The following MRPS28 variants were observed in gnomAD, a reference collection of about 807,000 sequenced individuals.
MRPS28 encodes the protein mitochondrial ribosomal protein S28, also known as small ribosomal subunit protein bS1m.
MRPS28 carries 7 observed loss-of-function variants against 10.8 expected under a neutral mutation model. The ratio of observed to expected loss-of-function variants is 0.65; its 90% CI spans 0.37 to 1.22. The LOEUF is 1.22. MRPS28 is among the 50% of genes most tolerant of loss of function. The pLI, the probability that MRPS28 is intolerant of heterozygous loss-of-function variation, is 0.02. For synonymous variants in MRPS28, 121 were observed against 93.3 expected (o/e 1.30, Z -1.71); for missense variants, 265 against 232.9 (o/e 1.14, Z -0.90).
intron 2 of MRPS28, among the ~76,000 whole-genome samples, chr8:79,924,705 A>G (rs545900162): frequency 6.6e-6 from 1 of 152,354 alleles, no homozygotes; most frequent in South Asian, 2.1e-4. Context: ...AATCTTGAAC[A>G]TTCAATTAAC....
At chr8:79,974,862 CAT>C (rs1400660242) in intron 2 of MRPS28, among the ~76,000 whole-genome samples, 1 of 152,060 alleles carries the variant, frequency 6.6e-6, no homozygotes, top group African/African-American at 2.4e-5. Flanking sequence ...AAGTTTGTCT[CAT>C]AGTCAACAAA....
intron 2 of MRPS28, among the ~76,000 whole-genome samples, chr8:79,979,079 T>C (rs1436128722): frequency 3.3e-5 from 5 of 152,146 alleles, no homozygotes; most frequent in Non-Finnish European, 5.9e-5. Flanking sequence ...AAAAGGTAAA[T>C]AAAATTTTTT....
chr8:79,950,273 T>C (rs561663212), intron 2 of MRPS28, among the ~76,000 whole-genome samples: 2 of 152,306 alleles, frequency 1.3e-5, no homozygotes, highest in South Asian at 4.1e-4. Context: ...GCATAAACAG[T>C]AACCAAGTCT....
intron 2 of MRPS28, among the ~76,000 whole-genome samples, chr8:79,990,678 A>G (rs2130119376): frequency 6.6e-6 from 1 of 152,274 alleles, no homozygotes. Context: ...GAATGGAAAC[A>G]AAGACAATGA....
intron 1 of MRPS28, among the ~76,000 whole-genome samples, chr8:80,008,007 A>G (rs1357794875): frequency 6.6e-6 from 1 of 152,234 alleles, no homozygotes; most frequent in Non-Finnish European, 1.5e-5. Context: ...GCATCAAGCT[A>G]CCTGACTTCA....
intron 2 of MRPS28, among the ~76,000 whole-genome samples, chr8:79,973,609 C>T (rs571850116): frequency 2.0e-4 from 30 of 152,244 alleles, no homozygotes; most frequent in African/African-American, 5.5e-4. Flanking sequence ...TGCAACACCA[C>T]GCCCAGCTAG....
intron 2 of MRPS28, among the ~76,000 whole-genome samples, chr8:79,988,270 C>G (rs966816033): frequency 2.0e-5 from 2 of 101,394 alleles, no homozygotes; most frequent in African/African-American, 8.1e-5. Context: ...TGGGGACTAT[C>G]GTGGGGTGGG....
intron 1 of MRPS28, among the ~76,000 whole-genome samples, chr8:80,005,278 A>G (rs1286432419): frequency 6.6e-6 from 1 of 152,256 alleles, no homozygotes; most frequent in Non-Finnish European, 1.5e-5. Flanking sequence ...TCAGACTAAC[A>G]GCGGATCTCT....
chr8:79,932,903 C>T (rs1257832389), intron 2 of MRPS28, among the ~76,000 whole-genome samples: 3 of 152,152 alleles, frequency 2.0e-5, no homozygotes, highest in African/African-American at 7.2e-5. Flanking sequence ...ACAAACAGTT[C>T]ATTCAGGAAC....
At chr8:80,029,698 T>G in intron 1 of MRPS28, 1 of 1,377,296 alleles carries the variant, frequency 7.3e-7, no homozygotes, top group Non-Finnish European at 9.6e-7. Flanking sequence ...GTGAGTCCCA[T>G]TCTCCTTAGC....
intron 2 of MRPS28, among the ~76,000 whole-genome samples, chr8:79,985,742 T>C (rs558213846): frequency 6.6e-6 from 1 of 152,224 alleles, no homozygotes; most frequent in Non-Finnish European, 1.5e-5. Context: ...GTTGACTCTC[T>C]GAATAGACCA....
At chr8:79,959,508 T>C (rs546898368) in intron 2 of MRPS28, among the ~76,000 whole-genome samples, 2 of 152,208 alleles carry the variant, frequency 1.3e-5, no homozygotes, top group Admixed American at 6.5e-5. Context: ...TTCTGAAAGA[T>C]TGAACGGTAC....
intron 2 of MRPS28, among the ~76,000 whole-genome samples, chr8:79,922,937 A>G (rs1299149614): frequency 2.0e-5 from 3 of 152,142 alleles, no homozygotes; most frequent in Non-Finnish European, 2.9e-5. Flanking sequence ...GGTAGACTAC[A>G]TATGATTAGT....
intron 1 of MRPS28, among the ~76,000 whole-genome samples, chr8:80,017,082 T>A (rs1013489704): frequency 6.6e-6 from 1 of 152,190 alleles, no homozygotes. Context: ...TTTAAAGGAA[T>A]AGAAATCATG....
intron 2 of MRPS28, among the ~76,000 whole-genome samples, chr8:79,997,756 C>G (rs1808540407): frequency 1.3e-5 from 2 of 151,968 alleles, no homozygotes. Flanking sequence ...TAAACACATT[C>G]TGAAATGAGT....
chr8:79,947,708 T>C (rs1268980251), intron 2 of MRPS28, among the ~76,000 whole-genome samples: 3 of 146,336 alleles, frequency 2.1e-5, no homozygotes, highest in Non-Finnish European at 4.5e-5. Flanking sequence ...GATCTCAGGT[T>C]ACTGCAAGCT....
intron 2 of MRPS28, among the ~76,000 whole-genome samples, chr8:79,935,353 T>TTTC (rs951076034): frequency 6.6e-6 from 1 of 152,170 alleles, no homozygotes; most frequent in Non-Finnish European, 1.5e-5. Context: ...TTTTCCTTTC[T>TTTC]TTCTTCTTCT....
At chr8:79,938,592 C>G (rs1421396734) in intron 2 of MRPS28, among the ~76,000 whole-genome samples, 1 of 152,078 alleles carries the variant, frequency 6.6e-6, no homozygotes, top group Non-Finnish European at 1.5e-5. Context: ...ACAACAACAA[C>G]AACAAAAAAG....
At chr8:79,953,652 C>T (rs1017319578) in intron 2 of MRPS28, among the ~76,000 whole-genome samples, 5 of 152,026 alleles carry the variant, frequency 3.3e-5, no homozygotes, top group South Asian at 4.1e-4. Flanking sequence ...CTTTGGGATA[C>T]GTAAAGCCTT....
Sources: gnomAD v4.1 joint callset for allele counts (sites outside exome capture counted in the v4.1 genomes callset) on GRCh38, gnomAD v4.1.1 for gene constraint, MANE v1.5 for transcripts, NCBI Gene and HGNC (gene_info 2026-07-23, HGNC 2026-07-21) for gene names.